Variants in QRICH1 observed in about 807,000 individuals in gnomAD.
The protein encoded by QRICH1 is transcriptional regulator QRICH1.
A neutral mutation model predicts 87.1 loss-of-function variants in QRICH1; 16 were observed. That is an observed-to-expected ratio of 0.18 (90% CI 0.12 to 0.28). QRICH1 has a LOEUF of 0.28. Ranked by LOEUF, QRICH1 falls within the 10% of genes least tolerant of loss-of-function variation. QRICH1 has a pLI of 1.00. For missense variants in QRICH1, 647 were observed against 951.7 expected, an observed-to-expected ratio of 0.68 and a Z score of 4.21; for synonymous variants, 367 against 368.4, an observed-to-expected ratio of 1.00 and a Z score of 0.05.
intron 2 of QRICH1, among the ~76,000 whole-genome samples, chr3:49,071,498 G>A (rs930127001): frequency 6.6e-6 from 1 of 152,144 alleles, no homozygotes; most frequent in Non-Finnish European, 1.5e-5. Context: ...CAGGTGCAAT[G>A]GCTCATGCCT....
At chr3:49,036,987 C>T (rs1327945344) in intron 6 of QRICH1, among the ~76,000 whole-genome samples, 1 of 150,580 alleles carries the variant, frequency 6.6e-6, no homozygotes, top group East Asian at 1.9e-4. Context: ...TCGCTTGGGC[C>T]CAGGAGGTTG....
intron 5 of QRICH1, among the ~76,000 whole-genome samples, chr3:49,046,073 C>A (rs993893466): frequency 6.6e-6 from 1 of 151,782 alleles, no homozygotes; most frequent in African/African-American, 2.4e-5. Context: ...TGCACCACCA[C>A]ACCTGGCAAA....
intron 3 of QRICH1, 167 bp downstream of exon 3, chr3:49,056,695 T>C: frequency 8.2e-7 from 1 of 1,218,972 alleles, no homozygotes; most frequent in Non-Finnish European, 1.1e-6. Context: ...CTTTTTTCTG[T>C]TGCATAGCCT....
At chr3:49,070,434 T>C (rs1688491681) in intron 2 of QRICH1, among the ~76,000 whole-genome samples, 1 of 152,140 alleles carries the variant, frequency 6.6e-6, no homozygotes, top group African/African-American at 2.4e-5. Flanking sequence ...CTCTTAAAAA[T>C]GCTTTGTTGT....
At chr3:49,079,473 CATAAAT>C (rs1434240677) in intron 1 of QRICH1, among the ~76,000 whole-genome samples, 1 of 146,724 alleles carries the variant, frequency 6.8e-6, no homozygotes, top group Non-Finnish European at 1.5e-5. Flanking sequence ...ATAATTTTTA[CATAAAT>C]ATAAAAATAT....
intron 6 of QRICH1, among the ~76,000 whole-genome samples, chr3:49,042,479 C>A (rs1389642415): frequency 6.6e-6 from 1 of 152,132 alleles, no homozygotes; most frequent in African/African-American, 2.4e-5. Context: ...ATTATTCCAA[C>A]TATATGACAT....
At chr3:49,054,591 T>G (rs894745367) in intron 3 of QRICH1, among the ~76,000 whole-genome samples, 4 of 152,042 alleles carry the variant, frequency 2.6e-5, no homozygotes, top group African/African-American at 9.7e-5. Context: ...CTTTTGTTTA[T>G]CTAAACTATA....
chr3:49,062,450 T>TC (rs1175098011), intron 2 of QRICH1, among the ~76,000 whole-genome samples: 1 of 140,458 alleles, frequency 7.1e-6, no homozygotes, highest in Non-Finnish European at 1.5e-5. Context: ...AACCTCCGCC[T>TC]CCCTGGTTCA....
chr3:49,050,966 CCACT>C (rs2093367078), intron 3 of QRICH1, among the ~76,000 whole-genome samples: 1 of 152,164 alleles, frequency 6.6e-6, no homozygotes, highest in African/African-American at 2.4e-5. Context: ...CATCTTTCCC[CCACT>C]GTTTTATTAA....
chr3:49,031,233 C>A (rs1365083043), intron 9 of QRICH1, among the ~76,000 whole-genome samples: 3 of 152,086 alleles, frequency 2.0e-5, no homozygotes, highest in African/African-American at 7.2e-5. Flanking sequence ...GGTGATCCAC[C>A]CACCTTGGCC....
At chr3:49,060,391 C>T (rs2093427997) in intron 2 of QRICH1, among the ~76,000 whole-genome samples, 1 of 151,982 alleles carries the variant, frequency 6.6e-6, no homozygotes, top group Non-Finnish European at 1.5e-5. Context: ...GACAGGGTTT[C>T]ACCGTGTTAG....
chr3:49,077,978 G>A (rs2041983903), intron 1 of QRICH1, among the ~76,000 whole-genome samples: 1 of 152,154 alleles, frequency 6.6e-6, no homozygotes, highest in Admixed American at 6.5e-5. Context: ...CATCATCTGA[G>A]GGAAAAGTGT....
At chr3:49,044,097 C>T (rs1203083148) in intron 6 of QRICH1, among the ~76,000 whole-genome samples, 1 of 152,152 alleles carries the variant, frequency 6.6e-6, no homozygotes, top group African/African-American at 2.4e-5. Flanking sequence ...TGTCCATAAT[C>T]CTTAATTGTT....
chr3:49,075,861 G>A (rs1203892845), intron 2 of QRICH1, among the ~76,000 whole-genome samples: 2 of 151,938 alleles, frequency 1.3e-5, no homozygotes, highest in Non-Finnish European at 2.9e-5. Context: ...AGAATAGCTT[G>A]AACCCGGGGG....
intron 9 of QRICH1, among the ~76,000 whole-genome samples, chr3:49,031,929 T>G (rs1162160561): frequency 6.6e-6 from 1 of 152,256 alleles, no homozygotes; most frequent in Non-Finnish European, 1.5e-5. Context: ...GTAGATTCTC[T>G]GTACCTTCAT....
At chr3:49,058,961 CTT>C (rs1160675425) in intron 2 of QRICH1, among the ~76,000 whole-genome samples, 63 of 119,234 alleles carry the variant, frequency 5.3e-4, no homozygotes, top group Non-Finnish European at 6.7e-4. Flanking sequence ...GAGTTTCACT[CTT>C]TTTTTTTTTT....
intron 1 of QRICH1, among the ~76,000 whole-genome samples, chr3:49,081,245 T>G (rs1023973698): frequency 2.6e-5 from 4 of 152,014 alleles, no homozygotes; most frequent in Admixed American, 2.6e-4. Context: ...GGTGAAACCC[T>G]GCCTTTACTA....
intron 1 of QRICH1, among the ~76,000 whole-genome samples, chr3:49,091,737 TTAAAAA>T (rs1224622804): frequency 6.6e-6 from 1 of 152,152 alleles, no homozygotes; most frequent in African/African-American, 2.4e-5. Context: ...AGCTTAATAG[TTAAAAA>T]TAAAGATAAC....
chr3:49,084,620 A>C (rs996181853), intron 1 of QRICH1, among the ~76,000 whole-genome samples: 2 of 151,590 alleles, frequency 1.3e-5, no homozygotes, highest in Admixed American at 1.3e-4. Flanking sequence ...AAAAACTAAC[A>C]GGGCATGGTG....
Sources: gnomAD v4.1 joint callset for allele counts (sites outside exome capture counted in the v4.1 genomes callset) on GRCh38, gnomAD v4.1.1 for gene constraint, MANE v1.5 for transcripts, NCBI Gene and HGNC (gene_info 2026-07-23, HGNC 2026-07-21) for gene names.